The following HLA-DPA1 variants were observed in gnomAD, a reference collection of about 807,000 sequenced individuals.
The protein encoded by HLA-DPA1 is HLA class II histocompatibility antigen, DP alpha 1 chain.
HLA-DPA1 carries 20 observed loss-of-function variants against 21.5 expected under a neutral mutation model. The ratio of observed to expected loss-of-function variants is 0.93; its 90% confidence interval spans 0.66 to 1.35. HLA-DPA1 has a LOEUF of 1.35. Among genes scored for constraint, HLA-DPA1 ranks in the 40% most tolerant of loss-of-function variants. HLA-DPA1 has a pLI of 0.00. For missense variants in HLA-DPA1, 279 were observed against 323.0 expected, an observed-to-expected ratio of 0.86 and a Z score of 1.05; for synonymous variants, 123 against 129.6, an observed-to-expected ratio of 0.95 and a Z score of 0.35.
chr6:33,072,131 A>G (rs1157083187), intron 2 of HLA-DPA1, among the ~76,000 whole-genome samples: 2 of 152,238 alleles, frequency 1.3e-5, no homozygotes, highest in Non-Finnish European at 2.9e-5. Flanking sequence ...AGGGTAGTTC[A>G]TCAGAAAGAA....
chr6:33,069,226 CA>C lies in HLA-DPA1; in HGVS notation c.420del (p.Ile140MetfsTer43). ...TTGAGCACTGGTGGGAAGAACTTGT[CA>C]ATGTGGCAGATGAGGGTGTTGGGCT... On this transcript the variant is annotated frameshift_variant, in exon 4 of 6. Transcript: ENST00000419277. LOFTEE classifies it high-confidence loss of function. 2.5e-6 allele frequency: 4 copies of C among 1,612,964 alleles called. No homozygotes were observed. Among genetic ancestry groups the C allele is most frequent in the Non-Finnish European group, 3.4e-6 (4 of 1,179,996 alleles).
intron 2 of HLA-DPA1, among the ~76,000 whole-genome samples, chr6:33,071,663 G>A (rs527449006): frequency 1.5e-4 from 23 of 152,282 alleles, no homozygotes; most frequent in Admixed American, 8.5e-4. Context: ...GGAAACACAA[G>A]TGACAGGACA....
At position 33,080,284 on chromosome 6, in the gene HLA-DPA1, G is replaced by C. The variant is rs998737716; in HGVS notation, c.-100+396C>G. On this transcript the variant is annotated intron_variant, in intron 1 of 5. Transcript: ENST00000419277. The surrounding 1 kb of genome is among the most constrained non-coding windows in gnomAD (Gnocchi z 4.3). ...ATGGAAATGTCAGTCAGGGAGTTAAGTAGGGGGAGCAGCTCCGCCCTCCAC... is the reference window on the plus strand; with the variant it reads ...ATGGAAATGTCAGTCAGGGAGTTAACTAGGGGGAGCAGCTCCGCCCTCCAC... 2.6e-6 allele frequency: 1 copy of C among 388,822 alleles called. No individual in the cohort carries two copies. The highest frequency in any genetic ancestry group is 2.1e-5 in the African/African-American group (1 of 47,720). The allele number at this position is 388,822 out of a possible 1,614,324, so 24.1% of individuals were successfully genotyped here.
At chr6:33,075,572 C>G (rs997558180) in intron 1 of HLA-DPA1, among the ~76,000 whole-genome samples, 9 of 152,184 alleles carry the variant, frequency 5.9e-5, no homozygotes, top group African/African-American at 1.9e-4. Flanking sequence ...TCTAATCCCT[C>G]TAAGTCATGC....
chr6:33,067,221 A>G (rs1377924812), intron 5 of HLA-DPA1: 3 of 152,206 alleles, frequency 2.0e-5, no homozygotes, highest in Non-Finnish European at 4.4e-5. Flanking sequence ...TGTCACTTCC[A>G]AGTCTCATGT....
chr6:33,069,880 T>C (rs1762190772), exon 3 of HLA-DPA1: 1 of 1,609,264 alleles, frequency 6.2e-7, no homozygotes, highest in Non-Finnish European at 8.5e-7. Flanking sequence ...AGTTGACACA[T>C]GGTCCGCTGC....
At chr6:33,073,937 CCAGA>C (rs777649314) in intron 1 of HLA-DPA1, among the ~76,000 whole-genome samples, 5 of 152,154 alleles carry the variant, frequency 3.3e-5, no homozygotes, top group Non-Finnish European at 5.9e-5. Context: ...CACCCCCATC[CCAGA>C]CAGTCAGATG....
Position 33,069,849 on chromosome 6 carries a change from C to T in HLA-DPA1, c.138G>A (p.Thr46=), listed in dbSNP as rs1042174. Residue 46 remains threonine (T), a synonymous_variant, in exon 3 of 6, where the codon ACG becomes ACA. Transcript: ENST00000419277. Reference sequence around the variant, plus strand: ...ACATAAACTCCCCTGTTGGTCTATGCGTCTGTACAAACGCGGCATAAGTTG... The same window carrying T: ...ACATAAACTCCCCTGTTGGTCTATGTGTCTGTACAAACGCGGCATAAGTTG... The T allele has an allele frequency of 1.2e-5, 20 of 1,604,834 alleles. No individual in the cohort carries two copies. In the African/African-American group the frequency reaches 2.2e-4, roughly 17 times the overall value.
intron 2 of HLA-DPA1, among the ~76,000 whole-genome samples, chr6:33,072,125 T>C (rs1762310504): frequency 1.3e-5 from 2 of 152,112 alleles, no homozygotes; most frequent in African/African-American, 4.8e-5. Flanking sequence ...AAGGACAGGG[T>C]AGTTCATCAG....
intron 5 of HLA-DPA1, chr6:33,067,513 C>G (rs1472808821): frequency 6.6e-6 from 1 of 152,202 alleles, no homozygotes; most frequent in African/African-American, 2.4e-5. Context: ...GTTTCGCGTA[C>G]AGCCTGCAGA....
At chr6:33,067,649 CA>C (rs1358459583) in intron 5 of HLA-DPA1, 2 of 152,146 alleles carry the variant, frequency 1.3e-5, no homozygotes, top group Non-Finnish European at 2.9e-5. Flanking sequence ...TTGGAAGAAA[CA>C]AACTGGATGT....
chr6:33,079,750 C>T (rs556415062), intron 1 of HLA-DPA1: 5 of 499,038 alleles, frequency 1.0e-5, no homozygotes, highest in South Asian at 7.3e-5. Flanking sequence ...GTGCTGAGAT[C>T]GCTCACAAAA....
intron 1 of HLA-DPA1, among the ~76,000 whole-genome samples, chr6:33,078,431 G>A (rs1284440227): frequency 6.6e-6 from 1 of 152,134 alleles, no homozygotes; most frequent in South Asian, 2.1e-4. Context: ...AAGACCAAAG[G>A]GCTGAGGAGC....
Position 33,080,602 on chromosome 6 carries a change from T to G in HLA-DPA1, c.-100+78A>C. The G allele has an allele frequency of 6.3e-7, 1 of 1,593,944 alleles. No individual in the cohort carries two copies. Among genetic ancestry groups the G allele is most frequent in the South Asian group, 1.1e-5 (1 of 90,556 alleles). On this transcript the variant is annotated intron_variant, in intron 1 of 5. Transcript: ENST00000419277. The surrounding 1 kb of genome is among the most constrained non-coding windows in gnomAD (Gnocchi z 4.3). ...AAGATTTGGGAAGAATCGTTAATAT[T>G]GAGAGAGAGAGGGAGAAAGAGGATT...
exon 2 of HLA-DPA1, chr6:33,073,478 G>T: frequency 6.2e-7 from 1 of 1,610,096 alleles, no homozygotes; most frequent in Non-Finnish European, 8.5e-7. Context: ...CACCCTTGAT[G>T]GCCCCAGCTC....
chr6:33,066,501 A>G (rs1219405322), intron 5 of HLA-DPA1: 1 of 152,258 alleles, frequency 6.6e-6, no homozygotes, highest in African/African-American at 2.4e-5. Flanking sequence ...TTTTAAGAGT[A>G]TCTTTGATAT....
chr6:33,073,367 A>G, intron 2 of HLA-DPA1, 104 bp downstream of exon 1: 1 of 760,888 alleles, frequency 1.3e-6, no homozygotes, highest in East Asian at 2.4e-5. Flanking sequence ...TATGAGGACC[A>G]GATAGATCAA....
intron 1 of HLA-DPA1, among the ~76,000 whole-genome samples, chr6:33,074,702 C>A (rs1035144526): frequency 1.3e-5 from 2 of 152,172 alleles, no homozygotes. Context: ...TGCATTACCT[C>A]ATTTAAACCT....
intron 1 of HLA-DPA1, among the ~76,000 whole-genome samples, chr6:33,076,583 A>T (rs748193308): frequency 3.9e-5 from 6 of 152,190 alleles, no homozygotes; most frequent in Non-Finnish European, 7.4e-5. Context: ...AATGCCTCTT[A>T]TTCCCCAGGG....
Sources: gnomAD v4.1 joint callset for allele counts (sites outside exome capture counted in the v4.1 genomes callset) on GRCh38, gnomAD v4.1.1 for gene constraint, Gnocchi (gnomAD v3.1) non-coding constraint, MANE v1.5 for transcripts, NCBI Gene and HGNC (gene_info 2026-07-23, HGNC 2026-07-21) for gene names.